IPO7: variants seen among roughly 807,000 people sequenced by gnomAD.
IPO7 encodes the protein importin 7, also known as importin-7.
Under a neutral mutation model 136.4 loss-of-function variants are expected in IPO7, and 13 were observed. The ratio of observed to expected loss-of-function variants is 0.10; its 90% CI spans 0.06 to 0.15. The LOEUF is 0.15. Among genes scored for constraint, IPO7 ranks in the 10% least tolerant of loss-of-function variants. The pLI is 1.00. For synonymous variants in IPO7, 403 were observed against 404.4 expected, an observed-to-expected ratio of 1.00 and a Z score of 0.04; for missense variants, 857 against 1,240.6, an observed-to-expected ratio of 0.69 and a Z score of 4.65.
chr11:9,407,228 C>T (rs1854900875), intron 2 of IPO7, among the ~76,000 whole-genome samples: 1 of 152,166 alleles, frequency 6.6e-6, no homozygotes, highest in Non-Finnish European at 1.5e-5. Context: ...TAGTAATAAC[C>T]TGGACTTTGT....
At chr11:9,388,414 A>G (rs1177057944) in intron 1 of IPO7, among the ~76,000 whole-genome samples, 1 of 151,776 alleles carries the variant, frequency 6.6e-6, no homozygotes, top group African/African-American at 2.4e-5. Flanking sequence ...TGACCTTGTG[A>G]TCCGCCCACC....
Position 9,420,452 on chromosome 11 carries a change from A to G in IPO7, c.768A>G (p.Pro256=), listed in dbSNP as rs1360861012. 7 of 1,612,290 alleles carry G rather than the reference A, an allele frequency of 4.3e-6. No individual in the cohort carries two copies. The highest frequency in any genetic ancestry group is 5.9e-6 in the Non-Finnish European group (7 of 1,179,602). Residue 256 remains proline (P), a synonymous_variant, in exon 7 of 25, where the codon CCA becomes CCG. Transcript: ENST00000379719. ...QVEEDDRPEL[P]WWKCKKWALH... is the part of the protein sequence containing the mutation. ...AAGAAGATGATCGACCTGAGTTACC[A>G]TGGTGGAAATGCAAGAAGTGGGCCT...
Position 9,442,200 on chromosome 11 carries a change from A to G in IPO7, c.3019+3A>G. Reference sequence around the variant, plus strand: ...TGATCAAAGAAGAGCAGCCCATGGTATGTTAATTAACTGTAACTCCTCTTT... The same window carrying G: ...TGATCAAAGAAGAGCAGCCCATGGTGTGTTAATTAACTGTAACTCCTCTTT... On this transcript the variant is annotated splice_donor_region_variant and intron_variant, in intron 24 of 24. Transcript: ENST00000379719. 1 of 1,398,110 alleles carries G rather than the reference A, an allele frequency of 7.2e-7. No homozygotes were observed. The highest frequency in any genetic ancestry group is 1.0e-6 in the Non-Finnish European group (1 of 988,120). 86.6% of individuals were successfully genotyped at this position (1,398,110 alleles called of 1,614,324 possible). A position where few individuals can be genotyped will look rare whatever the true frequency, so the allele number is the denominator to read the frequency against.
At chr11:9,434,886 G>A (rs772510070) in intron 18 of IPO7, 48 bp from the exon 19 acceptor site, 1 of 1,235,906 alleles carries the variant, frequency 8.1e-7, no homozygotes, top group Non-Finnish European at 1.2e-6. Flanking sequence ...AGCAAAGAAA[G>A]CATTTGTGTT....
At chr11:9,422,294 T>G (rs1268038445) in intron 8 of IPO7, among the ~76,000 whole-genome samples, 1 of 151,756 alleles carries the variant, frequency 6.6e-6, no homozygotes, top group East Asian at 1.9e-4. Context: ...AATAAATAAA[T>G]AAAAATACTG....
chr11:9,437,864 T>C lies in IPO7; in HGVS notation c.2379T>C (p.Asn793=), dbSNP rs1382907343. 6.2e-7 allele frequency: 1 copy of C among 1,613,810 alleles called. No homozygotes were observed. Among genetic ancestry groups the C allele is most frequent in the Non-Finnish European group, 8.5e-7 (1 of 1,179,728 alleles). ...LQVAIAALYY[N]PHLLLNTLEN... ...TTGCAATTGCAGCTTTGTATTATAA[T>C]CCACACCTACTACTCAATACCTTAG... Residue 793 remains asparagine (N), a synonymous_variant, in exon 21 of 25, where the codon AAT becomes AAC. Coordinates refer to ENST00000379719, the MANE Select transcript of IPO7 (RefSeq NM_006391.3).
chr11:9,408,670 C>T, intron 3 of IPO7, 31 bp downstream of exon 3: 1 of 1,288,392 alleles, frequency 7.8e-7, no homozygotes. Context: ...CCCATTTCTG[C>T]AGGTGTGTAA....
chr11:9,417,771 G>T (rs1172592799), intron 6 of IPO7, among the ~76,000 whole-genome samples: 1 of 150,430 alleles, frequency 6.6e-6, no homozygotes, highest in Admixed American at 6.6e-5. Flanking sequence ...GGAGTGCAGT[G>T]GCGCAATCTC....
chr11:9,440,743 G>A lies in IPO7; in HGVS notation c.2902+82G>A. On this transcript the variant is annotated intron_variant, in intron 23 of 24. Transcript: ENST00000379719. ...TGCCTGCCCTTTAAAGGAAGAGTTTGGAGGATATCAAACCCAGACTAGAAA... is the reference window on the plus strand; with the variant it reads ...TGCCTGCCCTTTAAAGGAAGAGTTTAGAGGATATCAAACCCAGACTAGAAA... The A allele has an allele frequency of 3.5e-6, 4 of 1,128,400 alleles. No individual in the cohort carries two copies. The South Asian group carries it at 5.0e-5, about 14-fold the overall frequency. The allele number at this position is 1,128,400 out of a possible 1,614,324, so 69.9% of individuals were successfully genotyped here.
In IPO7 at chr11:9,438,264, G is replaced by A; in HGVS notation, c.2674G>A (p.Ala892Thr). The A allele has an allele frequency of 6.4e-7, 1 of 1,566,712 alleles. No individual in the cohort carries two copies. Among genetic ancestry groups the A allele is most frequent in the Non-Finnish European group, 8.8e-7 (1 of 1,138,622 alleles). The change falls in exon 22 of 25, where the codon GCT becomes ACT. Residue 892 changes from alanine (A) to threonine (T), a missense_variant. By Grantham distance (58) the Ala-to-Thr change is moderately conservative (BLOSUM62 0). Around this residue, in one of 11 missense-constraint regions of IPO7, gnomAD observed 119 missense variants for 155.5 expected, o/e 0.77. Transcript: ENST00000379719. The stretch of plus-strand genomic sequence containing the variant: ...GAATGACAGTGATGATGATGATGAA[G>A]CTGAAGATGATGATGAAACCGGTAA... The part of the protein sequence containing the change: ...HENDSDDDDE[A>T]EDDDETEELG...
At chr11:9,395,992 G>T (rs914298583) in intron 1 of IPO7, among the ~76,000 whole-genome samples, 1 of 151,886 alleles carries the variant, frequency 6.6e-6, no homozygotes, top group African/African-American at 2.4e-5. Flanking sequence ...CAGAGTGCTG[G>T]GATTACAGGC....
At chr11:9,406,638 T>A (rs1854891990) in intron 2 of IPO7, among the ~76,000 whole-genome samples, 1 of 152,054 alleles carries the variant, frequency 6.6e-6, no homozygotes. Flanking sequence ...TGGAAGGCCG[T>A]AGATGGGGGA....
intron 23 of IPO7, 55 bp downstream of exon 23, chr11:9,440,716 T>G (rs1185290367): frequency 3.7e-6 from 5 of 1,351,826 alleles, no homozygotes; most frequent in Admixed American, 1.7e-5. Flanking sequence ...TGTTGTAGTT[T>G]CTGCCTGCCC....
Position 9,417,094 on chromosome 11 carries a change from C to A in IPO7, c.672C>A (p.Asn224Lys), listed in dbSNP as rs1277291784. 6.4e-7 allele frequency: 1 copy of A among 1,568,102 alleles called. No individual in the cohort carries two copies. The highest frequency in any genetic ancestry group is 8.8e-7 in the Non-Finnish European group (1 of 1,139,996). ...TLPLELINQQ[N>K]LTEWIEILKT... is the part of the protein sequence containing the mutation. ...CACTGGAACTGATAAACCAACAGAA[C>A]CTGACAGAATGGATAGAAATTTTAA... Residue 224 changes from asparagine (N) to lysine (K), a missense_variant, in exon 6 of 25, where the codon AAC (asparagine) becomes AAA (lysine). By Grantham distance (94) the Asn-to-Lys change is moderately conservative (BLOSUM62 0). Coordinates refer to ENST00000379719, the MANE Select transcript of IPO7 (RefSeq NM_006391.3).
chr11:9,442,267 T>C lies in IPO7; in HGVS notation c.3019+70T>C, dbSNP rs1168826517. On this transcript the variant is annotated intron_variant, in intron 24 of 24. Transcript: ENST00000379719. ...AGGTTTAAAATTTTATATCGTTTAA[T>C]TTTATATCATTAAATTTTATCATTT... 11 of 626,818 alleles carry C rather than the reference T, an allele frequency of 1.8e-5. No homozygotes were observed. The African/African-American group carries it at 2.1e-4, about 12-fold the overall frequency. The allele number at this position is 626,818 out of a possible 1,614,324, so 38.8% of individuals were successfully genotyped here. A position where few individuals can be genotyped will look rare whatever the true frequency, so the allele number is the denominator to read the frequency against.
chr11:9,398,237 G>A (rs762858078), intron 1 of IPO7, among the ~76,000 whole-genome samples: 20 of 152,116 alleles, frequency 1.3e-4, no homozygotes, highest in East Asian at 5.8e-4. Flanking sequence ...TAAATGCCAC[G>A]TGTCATATGA....
At chr11:9,409,206 T>A (rs1327989462) in intron 3 of IPO7, among the ~76,000 whole-genome samples, 1 of 150,980 alleles carries the variant, frequency 6.6e-6, no homozygotes, top group African/African-American at 2.4e-5. Flanking sequence ...ACTCCTGGGA[T>A]CAAGCAATCC....
rs1554956355 is a variant in IPO7, at chr11:9,438,065, T to TTTG, written c.2490-13_2490-12insGTT. On this transcript the variant is annotated splice_polypyrimidine_tract_variant and intron_variant, in intron 21 of 24. Transcript: ENST00000379719. ...AAACAGTTTTTTTTTTTTTTTTTTT[T>TTTG]TTTTTTTTTTTTAGGCTTCATGACA... 1 of 1,064,634 alleles carries TTTG rather than the reference T, an allele frequency of 9.4e-7. No individual in the cohort carries two copies. Among genetic ancestry groups the TTTG allele is most frequent in the Non-Finnish European group, 1.3e-6 (1 of 771,256 alleles). 65.9% of individuals were successfully genotyped at this position (1,064,634 alleles called of 1,614,324 possible).
chr11:9,444,857 A>AT (rs1332730396), intron 24 of IPO7, among the ~76,000 whole-genome samples: 20 of 148,088 alleles, frequency 1.4e-4, no homozygotes, highest in African/African-American at 3.0e-4. Flanking sequence ...AAAAAAAAAG[A>AT]TTTTTTTCTT....
Sources: allele counts gnomAD v4.1 joint callset (sites outside exome capture counted in the v4.1 genomes callset), GRCh38; gene constraint gnomAD v4.1.1; regional missense constraint gnomAD v4.1.1; transcripts MANE v1.5; gene names NCBI Gene and HGNC (gene_info 2026-07-23, HGNC 2026-07-21).